Variants in CISD3 observed in about 807,000 individuals in gnomAD.
The protein encoded by CISD3 is CDGSH iron sulfur domain 3.
A neutral mutation model predicts 14.1 loss-of-function variants in CISD3; 11 were observed. That is an observed-to-expected ratio of 0.78 (90% CI 0.49 to 1.29). CISD3 has a LOEUF of 1.29. CISD3 is among the 50% of genes most tolerant of loss of function. The pLI, the probability that CISD3 is intolerant of heterozygous loss-of-function variation, is 0.00. For missense variants in CISD3, 156 were observed against 171.6 expected, an observed-to-expected ratio of 0.91 and a Z score of 0.51; for synonymous variants, 53 against 69.2, an observed-to-expected ratio of 0.77 and a Z score of 1.16.
chr17:38,730,512 C>T (rs910214427), intron 1 of CISD3, 106 bp downstream of exon 1: 1 of 1,028,760 alleles, frequency 9.7e-7, no homozygotes, highest in Non-Finnish European at 1.4e-6. Flanking sequence ...GCTCCCGGCC[C>T]GTCCCGCCGG....
intron 3 of CISD3, among the ~76,000 whole-genome samples, chr17:38,732,241 C>G (rs988771096): frequency 6.6e-6 from 1 of 152,212 alleles, no homozygotes; most frequent in Non-Finnish European, 1.5e-5. Context: ...TTGAGTCCCA[C>G]TTAGGTCCAT....
chr17:38,731,463 A>G (rs1283546746), intron 3 of CISD3, 24 bp downstream of exon 3: 2 of 1,551,338 alleles, frequency 1.3e-6, no homozygotes, highest in African/African-American at 2.7e-5. Flanking sequence ...CTGCCTTCCT[A>G]CTGATACCTC....
chr17:38,735,290 G>C lies in CISD3; in HGVS notation c.*1835G>C, dbSNP rs1906603550. On this transcript the variant is annotated 3_prime_UTR_variant, in exon 4 of 4. Coordinates refer to ENST00000613478, the MANE Select transcript of CISD3 (RefSeq NM_001136498.2). ...GCGCCCCCTGCTGGTGGAGGATGGT[G>C]TCTGCAGGCAGTTCAAGCTACCCCC... 6.7e-7 allele frequency: 1 copy of C among 1,500,186 alleles called. No individual in the cohort carries two copies. The highest frequency in any genetic ancestry group is 9.0e-7 in the Non-Finnish European group (1 of 1,115,248). 92.9% of individuals were successfully genotyped at this position (1,500,186 alleles called of 1,614,324 possible).
At chr17:38,730,520 C>T (rs941700185) in intron 1 of CISD3, 114 bp downstream of exon 1, 3 of 983,766 alleles carry the variant, frequency 3.0e-6, no homozygotes, top group African/African-American at 1.7e-5. Context: ...CCCGTCCCGC[C>T]GGTGTCTGGC....
Position 38,730,420 on chromosome 17 carries a change from C to T in CISD3, c.48+14C>T. 1 of 1,290,680 alleles carries T rather than the reference C, an allele frequency of 7.7e-7. No homozygotes were observed. Among genetic ancestry groups the T allele is most frequent in the Non-Finnish European group, 9.8e-7 (1 of 1,018,352 alleles). 80.0% of individuals were successfully genotyped at this position (1,290,680 alleles called of 1,614,324 possible). A position where few individuals can be genotyped will look rare whatever the true frequency, so the allele number is the denominator to read the frequency against. ...CGTGGTGCCCGGGTGAGCACCCCCGCCCTGCACCAGCCCCCGTCCCGAACC... is the reference window on the plus strand; with the variant it reads ...CGTGGTGCCCGGGTGAGCACCCCCGTCCTGCACCAGCCCCCGTCCCGAACC... On this transcript the variant is annotated intron_variant, in intron 1 of 3. Transcript: ENST00000613478.
chr17:38,730,407 G>A lies in CISD3; in HGVS notation c.48+1G>A. 2 of 1,224,150 alleles carry A rather than the reference G, an allele frequency of 1.6e-6. No individual in the cohort carries two copies. Among genetic ancestry groups the A allele is most frequent in the Non-Finnish European group, 2.0e-6 (2 of 981,248 alleles). 75.8% of individuals were successfully genotyped at this position (1,224,150 alleles called of 1,614,324 possible). ...GCGGCCGGCGGCGCGTGGTGCCCGG[G>A]TGAGCACCCCCGCCCTGCACCAGCC... On this transcript the variant is annotated splice_donor_variant, in intron 1 of 3. Coordinates refer to ENST00000613478, the MANE Select transcript of CISD3 (RefSeq NM_001136498.2). LOFTEE classifies it high-confidence loss of function.
In CISD3 at chr17:38,733,314, C is replaced by G. The variant is rs1384385331; in HGVS notation, c.243C>G (p.Gly81=). The change falls in exon 4 of 4, where the codon GGC becomes GGG. Residue 81 remains glycine (G), a synonymous_variant. Transcript: ENST00000613478. The part of the protein sequence containing the change: ...CDGSHFFQRT[G]LSPLKFKAQE... ...GCTCCCACTTCTTCCAACGCACTGG[C>G]CTATCTCCACTCAAGTTCAAGGCCC... 2 of 1,551,628 alleles carry G rather than the reference C, an allele frequency of 1.3e-6. No individual in the cohort carries two copies. Among genetic ancestry groups the G allele is most frequent in the African/African-American group, 2.7e-5 (2 of 73,058 alleles).
At chr17:38,732,274 A>G (rs1906366289) in intron 3 of CISD3, among the ~76,000 whole-genome samples, 1 of 152,138 alleles carries the variant, frequency 6.6e-6, no homozygotes, top group African/African-American at 2.4e-5. Context: ...CTCTAAGACA[A>G]GTTGCTGGTT....
At position 38,730,813 on chromosome 17, in the gene CISD3, C is replaced by T. The variant is rs1434855722; in HGVS notation, c.84+18C>T. 3.9e-6 allele frequency: 6 copies of T among 1,550,968 alleles called. No homozygotes were observed. In the East Asian group the frequency reaches 1.5e-4, roughly 38 times the overall value. ...CCTGGCTGGTGAGTCCCCCCATCCT[C>T]CCCTCCTCCTCGCACAAGACCCCCA... On this transcript the variant is annotated intron_variant, in intron 2 of 3. Coordinates refer to ENST00000613478, the MANE Select transcript of CISD3 (RefSeq NM_001136498.2).
intron 2 of CISD3, 160 bp from the exon 3 acceptor site, chr17:38,731,160 G>A (rs1906316100): frequency 3.1e-6 from 3 of 961,214 alleles, no homozygotes; most frequent in Non-Finnish European, 3.0e-6. Flanking sequence ...CGGTCCTATG[G>A]TGTCCTGGGG....
chr17:38,730,614 T>C (rs1296863664), intron 1 of CISD3, 146 bp from the exon 2 acceptor site: 2 of 891,452 alleles, frequency 2.2e-6, no homozygotes, highest in East Asian at 2.7e-5. Context: ...ACCTTTTTCT[T>C]ACCCTCTCAT....
chr17:38,731,716 C>T, intron 3 of CISD3: 2 of 437,876 alleles, frequency 4.6e-6, no homozygotes, highest in Non-Finnish European at 8.4e-6. Flanking sequence ...CTCAGAGGTG[C>T]ACTGCATGGC....
intron 3 of CISD3, among the ~76,000 whole-genome samples, chr17:38,732,973 A>ACACT (rs1240580857): frequency 2.9e-5 from 4 of 139,600 alleles, no homozygotes; most frequent in African/African-American, 7.8e-5. Flanking sequence ...ACACACTCAC[A>ACACT]CTCTATTAGT....
chr17:38,730,465 C>A, intron 1 of CISD3, 59 bp downstream of exon 1: 2 of 1,199,980 alleles, frequency 1.7e-6, no homozygotes, highest in Non-Finnish European at 2.2e-6. Flanking sequence ...CCCCTGCCAG[C>A]CCCCACTCCA....
At chr17:38,731,845 A>G (rs1598008807) in intron 3 of CISD3, 2 of 219,336 alleles carry the variant, frequency 9.1e-6, no homozygotes, top group East Asian at 2.3e-4. Context: ...CCATCCAAGT[A>G]CTAACCAGGC....
intron 3 of CISD3, among the ~76,000 whole-genome samples, chr17:38,732,620 G>C (rs1906381401): frequency 6.6e-6 from 1 of 152,080 alleles, no homozygotes; most frequent in Non-Finnish European, 1.5e-5. Flanking sequence ...CTGGGCAACA[G>C]AGTGAGACCC....
intron 3 of CISD3, among the ~76,000 whole-genome samples, chr17:38,732,570 G>T (rs575492346): frequency 1.6e-4 from 24 of 152,272 alleles, no homozygotes; most frequent in Admixed American, 1.3e-3. Flanking sequence ...CCAGGAGGTT[G>T]AGGCTACAGT....
chr17:38,732,572 G>A (rs1470923385), intron 3 of CISD3, among the ~76,000 whole-genome samples: 1 of 152,134 alleles, frequency 6.6e-6, no homozygotes, highest in Non-Finnish European at 1.5e-5. Flanking sequence ...AGGAGGTTGA[G>A]GCTACAGTGA....
chr17:38,730,505 C>G, intron 1 of CISD3, 99 bp downstream of exon 1: 2 of 1,036,364 alleles, frequency 1.9e-6, no homozygotes, highest in Non-Finnish European at 2.7e-6. Flanking sequence ...TCCCGGAGCT[C>G]CCGGCCCGTC....
Sources: allele counts gnomAD v4.1 joint callset (sites outside exome capture counted in the v4.1 genomes callset), GRCh38; gene constraint gnomAD v4.1.1; transcripts MANE v1.5; gene names NCBI Gene and HGNC (gene_info 2026-07-23, HGNC 2026-07-21).